DYNC2I1: variants seen among roughly 807,000 people sequenced by gnomAD.
DYNC2I1 encodes cytoplasmic dynein 2 intermediate chain 1.
DYNC2I1 carries 89 observed loss-of-function variants against 133.4 expected under a neutral mutation model. The ratio of observed to expected loss-of-function variants is 0.67; its 90% CI spans 0.56 to 0.80. The LOEUF (loss-of-function observed/expected upper bound fraction) is 0.80, where lower values mean the gene tolerates loss of function less well. Among genes scored for constraint, DYNC2I1 ranks in the 30% least tolerant of loss-of-function variants. The pLI is 0.00. For missense variants in DYNC2I1, 1,291 were observed against 1,314.5 expected, an observed-to-expected ratio of 0.98 and a Z score of 0.28; for synonymous variants, 504 against 484.3, an observed-to-expected ratio of 1.04 and a Z score of -0.54.
the DYNC2I1 span, among the ~76,000 whole-genome samples, chr7:158,851,392 G>GT: frequency 6.6e-6 from 1 of 152,096 alleles, no homozygotes; most frequent in Admixed American, 6.6e-5. Context: ...AATTAGCTGG[G>GT]TGTGGTGGTG....
At chr7:158,932,501 G>A (rs927729412) in intron 21 of DYNC2I1, among the ~76,000 whole-genome samples, 8 of 152,172 alleles carry the variant, frequency 5.3e-5, no homozygotes, top group Non-Finnish European at 8.8e-5. Context: ...AGGTGGTCAC[G>A]AGCTGTCAGT....
At chr7:158,914,943 T>C (rs758214509) in intron 14 of DYNC2I1, among the ~76,000 whole-genome samples, 11 of 152,256 alleles carry the variant, frequency 7.2e-5, no homozygotes, top group Non-Finnish European at 1.3e-4. Context: ...CAGTCAGATA[T>C]GAAGTTGGCA....
chr7:158,949,158 T>C (rs1486520896), downstream of DYNC2I1, among the ~76,000 whole-genome samples: 1 of 152,108 alleles, frequency 6.6e-6, no homozygotes, highest in East Asian at 1.9e-4. Context: ...CCCATCCTCT[T>C]GGAGACTCAA....
At chr7:158,875,408 G>A (rs374243476) in intron 3 of DYNC2I1, among the ~76,000 whole-genome samples, 1 of 152,086 alleles carries the variant, frequency 6.6e-6, no homozygotes, top group East Asian at 1.9e-4. Flanking sequence ...AATGCTTTTT[G>A]AATGAATGCA....
chr7:158,890,431 C>T (rs1845090458), intron 7 of DYNC2I1, among the ~76,000 whole-genome samples: 1 of 152,060 alleles, frequency 6.6e-6, no homozygotes, highest in Non-Finnish European at 1.5e-5. Context: ...GATTTTACAG[C>T]AGCAACACTG....
chr7:158,856,093 T>C (rs2129475336), upstream of DYNC2I1, among the ~76,000 whole-genome samples: 1 of 151,736 alleles, frequency 6.6e-6, no homozygotes, highest in South Asian at 2.1e-4. Context: ...AGGCGCCTGC[T>C]ACTGCGCCCA....
chr7:158,874,631 C>T (rs1174145997), intron 3 of DYNC2I1, among the ~76,000 whole-genome samples: 2 of 152,120 alleles, frequency 1.3e-5, no homozygotes, highest in Non-Finnish European at 2.9e-5. Flanking sequence ...CCACAAAGCC[C>T]ATCTGTGCAG....
Position 158,953,996 on chromosome 7 carries a change from G to A in DYNC2I1, c.*57-2587G>A, listed in dbSNP as rs1034764977. On this transcript the variant is annotated intron_variant and NMD_transcript_variant, in intron 4 of 4. Transcript: ENST00000454771. Reference sequence around the variant, plus strand: ...GCAGCGTATCTCCTGTAATCCCCACGTGTTTTCAGAGGGATCTGGTGGGAA... The same window carrying A: ...GCAGCGTATCTCCTGTAATCCCCACATGTTTTCAGAGGGATCTGGTGGGAA... Among the ~76,000 whole-genome samples, 5 of 152,150 alleles carry A rather than the reference G, an allele frequency of 3.3e-5. 1 individual carries two copies. The South Asian group carries it at 6.2e-4, about 19-fold the overall frequency.
intron 10 of DYNC2I1, among the ~76,000 whole-genome samples, chr7:158,905,450 A>G (rs1410272997): frequency 9.9e-5 from 15 of 152,134 alleles, no homozygotes; most frequent in South Asian, 4.1e-4. Context: ...CAAGTTGTTC[A>G]TTCTTATATA....
intron 4 of DYNC2I1, among the ~76,000 whole-genome samples, chr7:158,955,731 C>T (rs1241830407): frequency 6.6e-6 from 1 of 152,216 alleles, no homozygotes; most frequent in Non-Finnish European, 1.5e-5. Context: ...CCACAGCACT[C>T]CCCACACGCT....
intron 15 of DYNC2I1, among the ~76,000 whole-genome samples, chr7:158,921,871 G>A (rs919590682): frequency 1.3e-5 from 2 of 152,196 alleles, no homozygotes; most frequent in African/African-American, 4.8e-5. Flanking sequence ...CTGCCGGCAC[G>A]GCCAGCAGTG....
the DYNC2I1 span, among the ~76,000 whole-genome samples, chr7:158,850,426 C>G: frequency 1.3e-5 from 2 of 152,352 alleles, no homozygotes; most frequent in South Asian, 4.1e-4. Context: ...CAGGAACACC[C>G]AGGGAGCTCC....
At chr7:158,931,471 G>A (rs1850207919) in intron 21 of DYNC2I1, among the ~76,000 whole-genome samples, 1 of 152,196 alleles carries the variant, frequency 6.6e-6, no homozygotes, top group Non-Finnish European at 1.5e-5. Context: ...GTATTGCAGA[G>A]CCAAACATAC....
intron 1 of DYNC2I1, among the ~76,000 whole-genome samples, chr7:158,864,688 T>G (rs1029214864): frequency 4.6e-5 from 7 of 151,550 alleles, no homozygotes. Context: ...TTTTTTTTGA[T>G]GGAGATGGGG....
intron 9 of DYNC2I1, 120 bp from the exon 10 acceptor site, chr7:158,902,256 T>G: frequency 1.3e-6 from 1 of 794,114 alleles, no homozygotes. Flanking sequence ...AATATCTTTC[T>G]TAGCTGTAAT....
intron 1 of DYNC2I1, among the ~76,000 whole-genome samples, chr7:158,863,408 C>T (rs1332649821): frequency 6.6e-6 from 1 of 152,050 alleles, no homozygotes; most frequent in African/African-American, 2.4e-5. Context: ...CCCAGAAGCC[C>T]AGGAGGCTTC....
intron 3 of DYNC2I1, among the ~76,000 whole-genome samples, chr7:158,871,840 A>G (rs1435566306): frequency 2.0e-5 from 3 of 151,998 alleles, no homozygotes; most frequent in African/African-American, 4.8e-5. Context: ...AGCTGGCTCT[A>G]TTTCTTTTAA....
rs1445294008 is a variant in DYNC2I1, at chr7:158,869,901, A to G, written c.62A>G (p.His21Arg). 3 of 1,613,352 alleles carry G rather than the reference A, an allele frequency of 1.9e-6. No homozygotes were observed. The highest frequency in any genetic ancestry group is 2.7e-5 in the African/African-American group (2 of 74,922). The part of the protein sequence containing the change: ...DTWKADDLRK[H>R]LWAIQSGGSK... ...TGGAAAGCAGATGACCTCAGAAAAC[A>G]TCTCTGGGTAATTATTGTAAAGATT... Residue 21 changes from histidine (H) to arginine (R), a missense_variant, in exon 2 of 25, where the codon CAT becomes CGT. By Grantham distance (29) the His-to-Arg change is conservative (BLOSUM62 0). Coordinates refer to ENST00000407559, the MANE Select transcript of DYNC2I1 (RefSeq NM_018051.5).
rs1307346613 is a variant in DYNC2I1, at chr7:158,883,702, T to C, written c.880-862T>C. ...TTTTTGAGACGGAGTCTTGCTCTGT[T>C]GCCCAGGCTGGAGTGCATTGGCGCA... On this transcript the variant is annotated intron_variant, in intron 5 of 24. Transcript: ENST00000407559. 1.5e-4 allele frequency among the ~76,000 whole-genome samples: 21 copies of C among 142,398 alleles called. 1 individual carries two copies. In the South Asian group the frequency reaches 3.4e-3, roughly 23 times the overall value. The allele number at this position is 142,398 out of a possible 152,430, so 93.4% of individuals were successfully genotyped here.
Sources: allele counts gnomAD v4.1 joint callset (sites outside exome capture counted in the v4.1 genomes callset), GRCh38; gene constraint gnomAD v4.1.1; transcripts MANE v1.5; gene names NCBI Gene and HGNC (gene_info 2026-07-23, HGNC 2026-07-21).